The following IPCEF1 variants were observed in gnomAD, a reference collection of about 807,000 sequenced individuals.
IPCEF1 encodes interactor protein for cytohesin exchange factors 1.
A neutral mutation model predicts 50.9 loss-of-function variants in IPCEF1; 31 were observed. That is an observed-to-expected ratio of 0.61 (90% CI 0.46 to 0.82). The LOEUF is 0.82. IPCEF1 is among the 40% of genes least tolerant of loss of function. The probability of loss-of-function intolerance (pLI) is 0.00; values close to 1 mark genes in which losing one functional copy is unlikely to be tolerated. For synonymous variants in IPCEF1, 181 were observed against 192.0 expected, an observed-to-expected ratio of 0.94 and a Z score of 0.47; for missense variants, 458 against 514.0, an observed-to-expected ratio of 0.89 and a Z score of 1.05.
At chr6:154,172,275 C>A (rs1799935668) in intron 10 of IPCEF1, among the ~76,000 whole-genome samples, 1 of 152,194 alleles carries the variant, frequency 6.6e-6, no homozygotes. Context: ...TGGTTCATCT[C>A]ATTGGGACTG....
intron 1 of IPCEF1, among the ~76,000 whole-genome samples, chr6:154,295,473 A>AACAC (rs72003797): frequency 6.6e-6 from 1 of 151,314 alleles, no homozygotes; most frequent in Non-Finnish European, 1.5e-5. Context: ...CCCCACCACC[A>AACAC]ACACACACAC....
intron 5 of IPCEF1, among the ~76,000 whole-genome samples, chr6:154,223,790 C>T (rs1779046577): frequency 6.6e-6 from 1 of 152,188 alleles, no homozygotes; most frequent in Admixed American, 6.5e-5. Context: ...AACATTATTT[C>T]CTCTCCCAAG....
chr6:154,337,943 C>T (rs900941835), intron 1 of IPCEF1, among the ~76,000 whole-genome samples: 19 of 152,104 alleles, frequency 1.2e-4, no homozygotes, highest in African/African-American at 3.9e-4. Context: ...GATAGTAATA[C>T]GCCCATTGGG....
At chr6:154,293,743 CTACTT>C (rs1350673535) in intron 1 of IPCEF1, among the ~76,000 whole-genome samples, 4 of 152,212 alleles carry the variant, frequency 2.6e-5, no homozygotes, top group Non-Finnish European at 5.9e-5. Flanking sequence ...AGAAAACTCT[CTACTT>C]TAATCCCAAG....
At chr6:154,244,315 T>TGG (rs1780857686) in intron 5 of IPCEF1, among the ~76,000 whole-genome samples, 1 of 151,348 alleles carries the variant, frequency 6.6e-6, no homozygotes, top group African/African-American at 2.4e-5. Context: ...TGTGTGTGTG[T>TGG]GTGTGTGTGT....
At position 154,269,247 on chromosome 6, in the gene IPCEF1, A is replaced by G. The variant is rs146514685; in HGVS notation, c.-17-3283T>C. 2.4e-4 allele frequency among the ~76,000 whole-genome samples: 36 copies of G among 152,342 alleles called. 1 individual carries two copies. The East Asian group carries it at 6.7e-3, about 29-fold the overall frequency. ...GTTTTGTAAAATATTGGCATCATGA[A>G]TATCCCATTAGAAAGCTCCTTCCCA... On this transcript the variant is annotated intron_variant, in intron 2 of 11. Coordinates refer to ENST00000367220, the MANE Select transcript of IPCEF1 (RefSeq NM_001130700.2).
chr6:154,323,512 G>C (rs532032917), intron 1 of IPCEF1, among the ~76,000 whole-genome samples: 125 of 152,182 alleles, frequency 8.2e-4, no homozygotes, highest in Non-Finnish European at 1.5e-3. Context: ...CATTTATTTG[G>C]TATTTACAAA....
intron 1 of IPCEF1, among the ~76,000 whole-genome samples, chr6:154,344,441 A>G (rs910591905): frequency 6.6e-6 from 1 of 152,176 alleles, no homozygotes; most frequent in African/African-American, 2.4e-5. Context: ...TCATTCACAC[A>G]CATTATCTTA....
At chr6:154,199,229 A>G (rs1054542005) in intron 10 of IPCEF1, among the ~76,000 whole-genome samples, 1 of 152,230 alleles carries the variant, frequency 6.6e-6, no homozygotes, top group Non-Finnish European at 1.5e-5. Flanking sequence ...ACAGGCTAAG[A>G]ATTAGATACT....
intron 1 of IPCEF1, among the ~76,000 whole-genome samples, chr6:154,338,065 A>C (rs1783826708): frequency 6.6e-6 from 1 of 152,174 alleles, no homozygotes; most frequent in Non-Finnish European, 1.5e-5. Context: ...CCACTCTAGA[A>C]CATTCTATTG....
At chr6:154,329,166 C>T (rs1783594991) in intron 1 of IPCEF1, among the ~76,000 whole-genome samples, 2 of 152,146 alleles carry the variant, frequency 1.3e-5, no homozygotes, top group South Asian at 4.1e-4. Flanking sequence ...CATCCCAGCC[C>T]TTTGGGAGGT....
intron 1 of IPCEF1, chr6:154,306,735 G>A (rs987181646): frequency 2.6e-5 from 4 of 152,314 alleles, no homozygotes; most frequent in Non-Finnish European, 4.4e-5. Flanking sequence ...TAGGTTTCTT[G>A]TGGTTCTCAT....
At chr6:154,215,117 A>G (rs1008955693) in intron 7 of IPCEF1, among the ~76,000 whole-genome samples, 2 of 152,174 alleles carry the variant, frequency 1.3e-5, no homozygotes, top group African/African-American at 4.8e-5. Flanking sequence ...ACGTTTATCA[A>G]TTCGTCTATG....
At chr6:154,254,017 T>C (rs1781400851) in intron 3 of IPCEF1, among the ~76,000 whole-genome samples, 1 of 152,198 alleles carries the variant, frequency 6.6e-6, no homozygotes, top group South Asian at 2.1e-4. Context: ...TTTACTTGTA[T>C]CGCCTTGTTT....
chr6:154,346,652 GT>G (rs1784034759), intron 1 of IPCEF1, among the ~76,000 whole-genome samples: 1 of 152,208 alleles, frequency 6.6e-6, no homozygotes, highest in Non-Finnish European at 1.5e-5. Flanking sequence ...TACAGTCATG[GT>G]GGAACGGGAA....
chr6:154,331,485 A>G (rs1783672635), intron 1 of IPCEF1, among the ~76,000 whole-genome samples: 1 of 54,072 alleles, frequency 1.8e-5, no homozygotes, highest in African/African-American at 7.8e-5. Context: ...GGAAGGAAGA[A>G]AAGAAAGAAA....
At chr6:154,171,565 T>C (rs1799872437) in intron 10 of IPCEF1, among the ~76,000 whole-genome samples, 2 of 152,180 alleles carry the variant, frequency 1.3e-5, no homozygotes, top group Admixed American at 1.3e-4. Context: ...GCTGCACAAT[T>C]CCAAATATAC....
In IPCEF1 at chr6:154,159,829, C is replaced by T. The variant is rs1798862664; in HGVS notation, c.1316G>A (p.Ter439=). The T allele has an allele frequency of 6.2e-7, 1 of 1,609,242 alleles. No individual in the cohort carries two copies. The highest frequency in any genetic ancestry group is 8.5e-7 in the Non-Finnish European group (1 of 1,177,684). Residue 439 remains the stop codon, a stop_retained_variant, in exon 12 of 12, where the codon TGA becomes TAA. Transcript: ENST00000367220. ...AGAGGAGAAAACCCTGACTTTGTCT[C>T]AAATGGAATTTTCAACAGAGGGAGA... ...PSSPSVENSI[*] is the part of the protein sequence containing the mutation.
chr6:154,173,262 C>CCTCCAAAGGAACACAA (rs1456861524), intron 10 of IPCEF1, among the ~76,000 whole-genome samples: 5 of 152,152 alleles, frequency 3.3e-5, no homozygotes, highest in Non-Finnish European at 7.3e-5. Flanking sequence ...CACCTCTTCT[C>CCTCCAAAGGAACACAA]CTCCAAAGGA....
Sources: gnomAD v4.1 joint callset for allele counts (sites outside exome capture counted in the v4.1 genomes callset) on GRCh38, gnomAD v4.1.1 for gene constraint, MANE v1.5 for transcripts, NCBI Gene and HGNC (gene_info 2026-07-23, HGNC 2026-07-21) for gene names.